KIF5A: variants seen among roughly 807,000 people sequenced by gnomAD.
The protein encoded by KIF5A is kinesin family member 5A.
Under a neutral mutation model 141.3 loss-of-function variants are expected in KIF5A, and 35 were observed. That is an observed-to-expected ratio of 0.25 (90% CI 0.19 to 0.33). The LOEUF (loss-of-function observed/expected upper bound fraction) is 0.33. KIF5A is among the 10% of genes least tolerant of loss of function. The pLI is 1.00. For missense variants in KIF5A, 861 were observed against 1,314.3 expected, an observed-to-expected ratio of 0.66 and a Z score of 5.33; for synonymous variants, 448 against 500.2, an observed-to-expected ratio of 0.90 and a Z score of 1.39.
At chr12:57,562,527 T>C (rs532013177) in intron 1 of KIF5A, among the ~76,000 whole-genome samples, 4 of 152,372 alleles carry the variant, frequency 2.6e-5, no homozygotes, top group African/African-American at 9.6e-5. Context: ...ACAGTTCTTC[T>C]TTAATTAAAG....
At chr12:57,569,717 G>T in intron 11 of KIF5A, 34 bp downstream of exon 11, 2 of 1,610,056 alleles carry the variant, frequency 1.2e-6, no homozygotes, top group South Asian at 2.2e-5. Flanking sequence ...GAGGGGCAGT[G>T]GGAAGAGGAG....
In KIF5A at chr12:57,571,334, A is replaced by C. The variant is rs776102034; in HGVS notation, c.1307A>C (p.Asn436Thr). Residue 436 changes from asparagine (N) to threonine (T), a missense_variant, in exon 13 of 29, where the codon AAC becomes ACC. Coordinates refer to ENST00000455537, the MANE Select transcript of KIF5A (RefSeq NM_004984.4). ...TGCCTCCAACAGGATGATGAAATCA[A>C]CCAACAAAGCCAACTCATAGAGAAG... ...KQLDDKDDEI[N>T]QQSQLIEKLK... 1 of 1,608,352 alleles carries C rather than the reference A, an allele frequency of 6.2e-7. No individual in the cohort carries two copies. Among genetic ancestry groups the C allele is most frequent in the Non-Finnish European group, 8.5e-7 (1 of 1,174,730 alleles).
chr12:57,559,508 A>G (rs1361188960), intron 1 of KIF5A, among the ~76,000 whole-genome samples: 1 of 152,200 alleles, frequency 6.6e-6, no homozygotes, highest in Non-Finnish European at 1.5e-5. Context: ...AGGAGCCACT[A>G]TAACATCATT....
At chr12:57,575,575 T>A (rs1882395692) in intron 16 of KIF5A, 65 bp from the exon 17 acceptor site, 1 of 1,316,028 alleles carries the variant, frequency 7.6e-7, no homozygotes, top group African/African-American at 1.4e-5. Flanking sequence ...GAGTTGGAGA[T>A]CTGTGTGGCC....
chr12:57,569,473 T>C lies in KIF5A; in HGVS notation c.969-62T>C, dbSNP rs1882176542. ...CCATCCCAGCCTCTGCGGCTCTCTCTCCTCAGGGTCACCCAAGTCTCATGT... is the reference window on the plus strand; with the variant it reads ...CCATCCCAGCCTCTGCGGCTCTCTCCCCTCAGGGTCACCCAAGTCTCATGT... On this transcript the variant is annotated intron_variant, in intron 10 of 28. Coordinates refer to ENST00000455537, the MANE Select transcript of KIF5A (RefSeq NM_004984.4). 1.1e-5 allele frequency: 17 copies of C among 1,613,380 alleles called. No individual in the cohort carries two copies. The South Asian group carries it at 1.3e-4, about 13-fold the overall frequency.
At position 57,572,174 on chromosome 12, in the gene KIF5A, G is replaced by A. The variant is rs1227040638; in HGVS notation, c.1476G>A (p.Glu492=). Residue 492 remains glutamate (E), a synonymous_variant, in exon 14 of 29, where the codon GAG becomes GAA. Transcript: ENST00000455537. This position sits in a 1 kb window ranked among gnomAD's most constrained non-coding sequence, Gnocchi z 4.2. ...TGAAGGAAGTGCTGCAGGCCCTGGAGGAGCTGGCTGTGAACTATGACCAGA... is the reference window on the plus strand; with the variant it reads ...TGAAGGAAGTGCTGCAGGCCCTGGAAGAGCTGGCTGTGAACTATGACCAGA... ...DEVKEVLQAL[E]ELAVNYDQKS... is the part of the protein sequence containing the mutation. 7 of 1,613,806 alleles carry A rather than the reference G, an allele frequency of 4.3e-6. No individual in the cohort carries two copies. The highest frequency in any genetic ancestry group is 1.3e-5 in the African/African-American group (1 of 74,936).
intron 1 of KIF5A, among the ~76,000 whole-genome samples, chr12:57,563,014 C>T (rs775321): frequency 0.94 from 140,216 of 149,190 alleles, 66,374 homozygotes; most frequent in East Asian, 1. Context: ...TTTTCTTCTT[C>T]TTTTTTTTTT....
intron 19 of KIF5A, among the ~76,000 whole-genome samples, 182 bp from the exon 20 acceptor site, chr12:57,576,579 C>A (rs1026864456): frequency 1.3e-5 from 2 of 152,176 alleles, no homozygotes; most frequent in Admixed American, 1.3e-4. Flanking sequence ...TTAGAGAGGT[C>A]AGGGTTCCTG....
At chr12:57,551,934 G>A (rs1383288759) in intron 1 of KIF5A, among the ~76,000 whole-genome samples, 1 of 151,968 alleles carries the variant, frequency 6.6e-6, no homozygotes, top group East Asian at 1.9e-4. Flanking sequence ...CATGGAGAGG[G>A]CCTCTGTTTC....
At chr12:57,557,944 C>G (rs1035866990) in intron 1 of KIF5A, among the ~76,000 whole-genome samples, 1 of 152,180 alleles carries the variant, frequency 6.6e-6, no homozygotes, top group Non-Finnish European at 1.5e-5. Context: ...TATATTGTTT[C>G]CTTCTCCTTC....
rs755472628 is a variant in KIF5A at position 57,581,132 on chromosome 12, C to G, written c.2715C>G (p.Arg905=). ...QEVDRIKEAV[R]YKSSGKRGHS... is the part of the protein sequence containing the mutation. The stretch of plus-strand genomic sequence containing the variant: ...TGGACCGCATCAAGGAGGCCGTTCG[C>G]TACAAGAGCTCGGGCAAACGGGGCC... Residue 905 remains arginine, a synonymous_variant, in exon 24 of 29, where the codon CGC becomes CGG. Coordinates refer to ENST00000455537, the MANE Select transcript of KIF5A (RefSeq NM_004984.4). 2 of 1,614,120 alleles carry G rather than the reference C, an allele frequency of 1.2e-6. No homozygotes were observed. The highest frequency in any genetic ancestry group is 2.2e-5 in the South Asian group (2 of 91,066).
chr12:57,577,953 A>G, intron 21 of KIF5A, 56 bp from the exon 22 acceptor site: 1 of 1,423,746 alleles, frequency 7.0e-7, no homozygotes. Flanking sequence ...ATAATTCTGG[A>G]GGAATAGGAC....
Position 57,564,900 on chromosome 12 carries a change from T to G in KIF5A, c.446-18T>G. The G allele has an allele frequency of 6.2e-7, 1 of 1,613,782 alleles. No individual in the cohort carries two copies. The highest frequency in any genetic ancestry group is 2.2e-5 in the East Asian group (1 of 44,880). ...GTGGAAGTACTAGTCTTGCTTACCCTGCATTCTTTTGATTCAGTGACCAAG... is the reference window on the plus strand; with the variant it reads ...GTGGAAGTACTAGTCTTGCTTACCCGGCATTCTTTTGATTCAGTGACCAAG... On this transcript the variant is annotated intron_variant, in intron 5 of 28. Coordinates refer to ENST00000455537, the MANE Select transcript of KIF5A (RefSeq NM_004984.4).
At chr12:57,554,067 T>G (rs1323263356) in intron 1 of KIF5A, among the ~76,000 whole-genome samples, 1 of 152,178 alleles carries the variant, frequency 6.6e-6, no homozygotes, top group Non-Finnish European at 1.5e-5. Flanking sequence ...CTGGAAATAC[T>G]TGGAAAAATG....
At chr12:57,567,724 G>C (rs550721177) in intron 8 of KIF5A, 106 bp downstream of exon 8, 56 of 1,229,576 alleles carry the variant, frequency 4.6e-5, no homozygotes, top group Admixed American at 1.1e-4. Flanking sequence ...GCAGTGGCAC[G>C]ATCTCTGTTC....
Position 57,567,550 on chromosome 12 carries a change from G to T in KIF5A, c.646G>T (p.Glu216Ter). 1 of 1,613,516 alleles carries T rather than the reference G, an allele frequency of 6.2e-7. No individual in the cohort carries two copies. The part of the protein sequence containing the change: ...HSIFLINIKQ[E>*]NMETEQKLSG... Reference sequence around the variant, plus strand: ...CATCTTCCTCATCAACATCAAGCAGGAGAACATGGAAACGGAGCAGAAGCT... The same window carrying T: ...CATCTTCCTCATCAACATCAAGCAGTAGAACATGGAAACGGAGCAGAAGCT... The change falls in exon 8 of 29, where the codon GAG (glutamate) becomes TAG (stop). Residue 216 changes from glutamate to a stop codon, truncating the protein, a stop_gained. Coordinates refer to ENST00000455537, the MANE Select transcript of KIF5A (RefSeq NM_004984.4). LOFTEE classifies it high-confidence loss of function.
chr12:57,569,815 A>C, intron 11 of KIF5A, 132 bp downstream of exon 11: 1 of 1,442,526 alleles, frequency 6.9e-7, no homozygotes, highest in Non-Finnish European at 9.4e-7. Context: ...GGACAGGTGC[A>C]GTAGAGCAGT....
chr12:57,564,321 CCA>C, intron 4 of KIF5A, 109 bp downstream of exon 4: 2 of 1,089,728 alleles, frequency 1.8e-6, no homozygotes, highest in Non-Finnish European at 2.8e-6. Context: ...TTTCCGGTTA[CCA>C]GAGTTCTTTG....
chr12:57,582,530 G>A lies in KIF5A; in HGVS notation c.2993-72G>A, dbSNP rs2291137. 2.7e-3 allele frequency: 3,286 copies of A among 1,229,502 alleles called. 122 individuals carry two copies. The East Asian group carries it at 0.06, about 22-fold the overall frequency. 76.2% of individuals were successfully genotyped at this position (1,229,502 alleles called of 1,614,324 possible). A position where few individuals can be genotyped will look rare whatever the true frequency, so the allele number is the denominator to read the frequency against. On this transcript the variant is annotated intron_variant, in intron 26 of 28. Transcript: ENST00000455537. ...GGGATTAAGATGGGAGAGGGTTTGC[G>A]CAAACTGTTTCTAACACCCAATCTC...
Sources: gnomAD v4.1 joint callset for allele counts (sites outside exome capture counted in the v4.1 genomes callset) on GRCh38, gnomAD v4.1.1 for gene constraint, Gnocchi (gnomAD v3.1) non-coding constraint, MANE v1.5 for transcripts, NCBI Gene and HGNC (gene_info 2026-07-23, HGNC 2026-07-21) for gene names.